Variants in ASB3 observed in about 807,000 individuals in gnomAD.
ASB3 encodes the protein ankyrin repeat and SOCS box protein 3.
A neutral mutation model predicts 54.5 loss-of-function variants in ASB3; 41 were observed. The ratio of observed to expected loss-of-function variants is 0.75; its 90% CI spans 0.59 to 0.98. The LOEUF is 0.98. ASB3 is among the 50% of genes least tolerant of loss of function. ASB3 has a pLI of 0.00. For missense variants in ASB3, 733 were observed against 620.0 expected (o/e 1.18, Z -1.94); for synonymous variants, 266 against 221.2 (o/e 1.20, Z -1.80).
chr2:53,700,193 T>C, intron 8 of ASB3, 78 bp downstream of exon 8: 1 of 1,535,262 alleles, frequency 6.5e-7, no homozygotes, highest in Non-Finnish European at 8.7e-7. Context: ...CTCCAAACAC[T>C]GGGATCTCAA....
intron 5 of ASB3, among the ~76,000 whole-genome samples, chr2:53,717,084 G>A (rs1368230364): frequency 6.6e-6 from 1 of 152,104 alleles, no homozygotes; most frequent in Non-Finnish European, 1.5e-5. Context: ...CTCTACGTCA[G>A]CAAGAAAACA....
intron 1 of ASB3, among the ~76,000 whole-genome samples, chr2:53,769,419 A>G (rs17045212): frequency 6.6e-6 from 1 of 152,278 alleles, no homozygotes; most frequent in African/African-American, 2.4e-5. Flanking sequence ...GTATGTGGCT[A>G]TAACAACATA....
chr2:53,767,881 G>A lies in ASB3; in HGVS notation c.-13-2296C>T, dbSNP rs773371237. 2.5e-6 allele frequency: 4 copies of A among 1,606,004 alleles called. No individual in the cohort carries two copies. In the South Asian group the frequency reaches 3.3e-5, roughly 13 times the overall value. Reference sequence around the variant, plus strand: ...ACGGCCACTGGGGCAGAGGAGCCGCGAGAAGATGTGGGTTTTTGGTTACGG... The same window carrying A: ...ACGGCCACTGGGGCAGAGGAGCCGCAAGAAGATGTGGGTTTTTGGTTACGG... On this transcript the variant is annotated intron_variant, in intron 1 of 9. Transcript: ENST00000263634.
intron 2 of ASB3, among the ~76,000 whole-genome samples, chr2:53,758,748 C>A (rs1487857081): frequency 1.3e-5 from 2 of 152,186 alleles, no homozygotes; most frequent in Admixed American, 6.5e-5. Context: ...ACTAGGACCA[C>A]AGAGGACGCT....
intron 5 of ASB3, among the ~76,000 whole-genome samples, chr2:53,723,219 T>C (rs1670804719): frequency 1.3e-5 from 2 of 152,132 alleles, no homozygotes; most frequent in Admixed American, 1.3e-4. Context: ...AAAACGCTGC[T>C]CACGGATTGC....
At chr2:53,759,358 T>C (rs1221475537) in intron 2 of ASB3, among the ~76,000 whole-genome samples, 1 of 152,172 alleles carries the variant, frequency 6.6e-6, no homozygotes, top group Non-Finnish European at 1.5e-5. Context: ...CTGGAGACAC[T>C]AAGGGAGGCT....
At chr2:53,705,115 T>C (rs1006224682) in intron 7 of ASB3, among the ~76,000 whole-genome samples, 3 of 152,184 alleles carry the variant, frequency 2.0e-5, no homozygotes, top group East Asian at 1.9e-4. Flanking sequence ...GAATAAGGTG[T>C]TGCCCAATTC....
Position 53,716,705 on chromosome 2 carries a change from G to C in ASB3, c.643C>G (p.Pro215Ala). 1 of 1,614,074 alleles carries C rather than the reference G, an allele frequency of 6.2e-7. No individual in the cohort carries two copies. Among genetic ancestry groups the C allele is most frequent in the Non-Finnish European group, 8.5e-7 (1 of 1,179,972 alleles). ...CCCTCTTGAGCAGCAATGAACAAGG[G>C]TGTAGCTTTGTCCAAGGCTTGACAA... ...VNCQALDKATPLFIAAQEGHT... is the reference protein window; with the variant it reads ...VNCQALDKATALFIAAQEGHT... Residue 215 changes from proline to alanine, a missense_variant, in exon 6 of 10, where the codon CCC (proline) becomes GCC (alanine). Pro to Ala is a conservative substitution (Grantham distance 27). Coordinates refer to ENST00000263634, the MANE Select transcript of ASB3 (RefSeq NM_016115.5).
intron 2 of ASB3, among the ~76,000 whole-genome samples, chr2:53,760,618 C>A (rs1673087954): frequency 6.6e-6 from 1 of 150,794 alleles, no homozygotes; most frequent in Non-Finnish European, 1.5e-5. Flanking sequence ...AATACTTTTG[C>A]CTGCAGCTAA....
intron 7 of ASB3, among the ~76,000 whole-genome samples, chr2:53,702,345 G>A (rs1463983055): frequency 6.6e-6 from 1 of 152,142 alleles, no homozygotes; most frequent in Non-Finnish European, 1.5e-5. Context: ...AAATACATGT[G>A]CACACTACAG....
intron 3 of ASB3, among the ~76,000 whole-genome samples, chr2:53,745,095 A>C (rs1672152228): frequency 6.6e-6 from 1 of 152,214 alleles, no homozygotes; most frequent in Non-Finnish European, 1.5e-5. Context: ...ATAAAAAGGA[A>C]ATCTATTTCC....
intron 1 of ASB3, among the ~76,000 whole-genome samples, chr2:53,777,599 T>C (rs1441006420): frequency 6.6e-6 from 1 of 152,120 alleles, no homozygotes; most frequent in Non-Finnish European, 1.5e-5. Flanking sequence ...CTTATTGTAC[T>C]AAAACCAGTA....
intron 6 of ASB3, among the ~76,000 whole-genome samples, chr2:53,716,106 G>A (rs981307173): frequency 6.6e-6 from 1 of 152,116 alleles, no homozygotes; most frequent in African/African-American, 2.4e-5. Context: ...TCCAATTTGA[G>A]GTTAGATCAA....
At chr2:53,694,898 T>C (rs796569144) in intron 8 of ASB3, among the ~76,000 whole-genome samples, 30 of 152,278 alleles carry the variant, frequency 2.0e-4, no homozygotes, top group African/African-American at 6.7e-4. Context: ...AAATTGGTAT[T>C]ACCAGAAACG....
intron 2 of ASB3, among the ~76,000 whole-genome samples, chr2:53,758,540 A>G (rs1245310108): frequency 6.6e-6 from 1 of 152,218 alleles, no homozygotes; most frequent in Admixed American, 6.5e-5. Context: ...AACCCAGCCC[A>G]GCTCTAGAAC....
chr2:53,765,981 T>C (rs547451116), intron 1 of ASB3, among the ~76,000 whole-genome samples: 44 of 152,006 alleles, frequency 2.9e-4, no homozygotes, highest in South Asian at 2.1e-4. Context: ...CAGTGTACAC[T>C]ACATTATGCA....
intron 3 of ASB3, among the ~76,000 whole-genome samples, chr2:53,748,084 A>G (rs764437154): frequency 6.6e-6 from 1 of 152,034 alleles, no homozygotes; most frequent in Non-Finnish European, 1.5e-5. Flanking sequence ...AGTGGGAATA[A>G]TAATAGTACA....
chr2:53,729,611 G>T (rs761155524), intron 3 of ASB3, 41 bp from the exon 4 acceptor site: 18 of 1,581,330 alleles, frequency 1.1e-5, no homozygotes, highest in South Asian at 2.2e-5. Flanking sequence ...CAGCAAAAAG[G>T]CATGTTTGTA....
At chr2:53,681,926 G>A (rs548092273) in intron 9 of ASB3, among the ~76,000 whole-genome samples, 1 of 152,194 alleles carries the variant, frequency 6.6e-6, no homozygotes, top group South Asian at 2.1e-4. Flanking sequence ...TTGGGAGGGT[G>A]AGGTGGGTGG....
Sources: allele counts gnomAD v4.1 joint callset (sites outside exome capture counted in the v4.1 genomes callset), GRCh38; gene constraint gnomAD v4.1.1; transcripts MANE v1.5; gene names NCBI Gene and HGNC (gene_info 2026-07-23, HGNC 2026-07-21).